The following KIAA1671 variants were observed in gnomAD, a reference collection of about 807,000 sequenced individuals.
KIAA1671 encodes uncharacterized protein KIAA1671.
A neutral mutation model predicts 131.2 loss-of-function variants in KIAA1671; 52 were observed. That is an observed-to-expected ratio of 0.40 (90% CI 0.32 to 0.50). The LOEUF (loss-of-function observed/expected upper bound fraction) is 0.50. KIAA1671 is among the 20% of genes least tolerant of loss of function. KIAA1671 has a pLI of 0.73. For missense variants in KIAA1671, 2,360 were observed against 2,364.2 expected, an observed-to-expected ratio of 1.00 and a Z score of 0.04; for synonymous variants, 1,003 against 961.6, an observed-to-expected ratio of 1.04 and a Z score of -0.80.
chr22:25,110,507 G>A (rs1423926625), intron 6 of KIAA1671, among the ~76,000 whole-genome samples: 1 of 151,214 alleles, frequency 6.6e-6, no homozygotes, highest in Non-Finnish European at 1.5e-5. Flanking sequence ...GTGAATCTAT[G>A]TCTCTGAATC....
chr22:25,104,483 C>G (rs1228862136), intron 6 of KIAA1671, among the ~76,000 whole-genome samples: 1 of 152,214 alleles, frequency 6.6e-6, no homozygotes, highest in Non-Finnish European at 1.5e-5. Flanking sequence ...ATGTCCAGAA[C>G]TCCGAGGGCA....
At chr22:25,065,786 C>T (rs9306408) in intron 6 of KIAA1671, among the ~76,000 whole-genome samples, 34,153 of 151,618 alleles carry the variant, frequency 0.23, 5,289 homozygotes, top group African/African-American at 0.44. Context: ...ATTATAGGTG[C>T]CTGCCACCAC....
chr22:25,043,956 A>G (rs1342590930), intron 5 of KIAA1671, among the ~76,000 whole-genome samples: 1 of 152,046 alleles, frequency 6.6e-6, no homozygotes, highest in Non-Finnish European at 1.5e-5. Flanking sequence ...TGTAAAAGGG[A>G]CTAGGTGGCC....
Position 25,038,800 on chromosome 22 carries a change from G to A in KIAA1671, c.1670G>A (p.Arg557Lys). The change falls in exon 5 of 13, where the codon AGA becomes AAA. Residue 557 changes from arginine to lysine, a missense_variant. Arg to Lys is a conservative substitution (Grantham distance 26). Coordinates refer to ENST00000358431, the MANE Select transcript of KIAA1671 (RefSeq NM_001145206.2). ...GHSLDGACIP[R>K]SPWKPGTLRD... ...AGTTTGGATGGAGCATGCATCCCGA[G>A]AAGCCCCTGGAAGCCTGGGACACTC... 3 of 1,550,244 alleles carry A rather than the reference G, an allele frequency of 1.9e-6. No homozygotes were observed. The highest frequency in any genetic ancestry group is 2.0e-5 in the Admixed American group (1 of 50,974).
chr22:25,087,767 A>G (rs1929806838), intron 6 of KIAA1671, among the ~76,000 whole-genome samples: 1 of 152,208 alleles, frequency 6.6e-6, no homozygotes, highest in Non-Finnish European at 1.5e-5. Flanking sequence ...TGGCGGGTGA[A>G]CAGCATCACA....
Position 25,039,635 on chromosome 22 carries a change from G to A in KIAA1671, c.2505G>A (p.Val835=). The change falls in exon 5 of 13, where the codon GTG becomes GTA. Residue 835 remains valine, a synonymous_variant. Coordinates refer to ENST00000358431, the MANE Select transcript of KIAA1671 (RefSeq NM_001145206.2). ...GAVVSSHKAT[V]AVSEEHCAPG... ...TGGTGAGCTCGCACAAAGCCACCGT[G>A]GCAGTCAGCGAAGAGCACTGTGCTC... The A allele has an allele frequency of 3.9e-6, 6 of 1,548,400 alleles. No individual in the cohort carries two copies. The South Asian group carries it at 7.2e-5, about 18-fold the overall frequency.
chr22:25,015,002 G>A (rs1925227799), intron 1 of KIAA1671: 1 of 152,174 alleles, frequency 6.6e-6, no homozygotes, highest in African/African-American at 2.4e-5. Flanking sequence ...CTGTCACTAA[G>A]GCAGAGTCAT....
At chr22:25,142,091 A>G (rs1203290398) in intron 6 of KIAA1671, among the ~76,000 whole-genome samples, 1 of 152,202 alleles carries the variant, frequency 6.6e-6, no homozygotes, top group Non-Finnish European at 1.5e-5. Context: ...AGAATTCATG[A>G]GCTGCCAGTT....
intron 6 of KIAA1671, among the ~76,000 whole-genome samples, chr22:25,110,565 C>G (rs1285255961): frequency 6.6e-6 from 1 of 152,098 alleles, no homozygotes; most frequent in Non-Finnish European, 1.5e-5. Flanking sequence ...GACATGGATC[C>G]CTGCTAGAAG....
At chr22:25,106,050 G>A (rs990159477) in intron 6 of KIAA1671, among the ~76,000 whole-genome samples, 2 of 152,226 alleles carry the variant, frequency 1.3e-5, no homozygotes, top group Non-Finnish European at 2.9e-5. Flanking sequence ...GGTGATGGTG[G>A]TGGTGGTCTT....
chr22:25,055,963 C>T (rs1240086837), intron 6 of KIAA1671: 1 of 149,298 alleles, frequency 6.7e-6, no homozygotes, highest in Non-Finnish European at 1.5e-5. Context: ...TCAAACCATC[C>T]TCCCACCTCA....
At chr22:25,099,578 A>G (rs1930562749) in intron 6 of KIAA1671, among the ~76,000 whole-genome samples, 1 of 115,988 alleles carries the variant, frequency 8.6e-6, no homozygotes, top group South Asian at 3.0e-4. Flanking sequence ...TTTTTTAGAT[A>G]GAGTCTCGCT....
intron 6 of KIAA1671, among the ~76,000 whole-genome samples, chr22:25,113,755 A>C (rs149374263): frequency 6.6e-6 from 1 of 152,190 alleles, no homozygotes; most frequent in East Asian, 1.9e-4. Flanking sequence ...GCCCAGAACA[A>C]ATTAGTGGGG....
At chr22:24,999,316 C>T (rs868586547) in intron 1 of KIAA1671, among the ~76,000 whole-genome samples, 11 of 152,106 alleles carry the variant, frequency 7.2e-5, no homozygotes, top group African/African-American at 1.2e-4. Context: ...TTCACTGCAG[C>T]CTCAACCTCC....
At chr22:24,997,011 T>C (rs769148459) in intron 1 of KIAA1671, among the ~76,000 whole-genome samples, 1 of 152,214 alleles carries the variant, frequency 6.6e-6, no homozygotes, top group East Asian at 1.9e-4. Context: ...GGGGCCTGCA[T>C]AGAGTCACTG....
intron 7 of KIAA1671, among the ~76,000 whole-genome samples, chr22:25,173,175 C>T (rs1420207368): frequency 6.6e-6 from 1 of 152,156 alleles, no homozygotes; most frequent in African/African-American, 2.4e-5. Context: ...AGAGCTCACT[C>T]ACTATCATGA....
At position 25,031,114 on chromosome 22, in the gene KIAA1671, C is replaced by T. The variant is rs1926262206; in HGVS notation, c.1542-1495C>T. Among the ~76,000 whole-genome samples the T allele has an allele frequency of 1.3e-5, 2 of 152,120 alleles. 1 individual carries two copies. Among genetic ancestry groups the T allele is most frequent in the African/African-American group, 4.8e-5 (2 of 41,430 alleles). On this transcript the variant is annotated intron_variant, in intron 3 of 12. Transcript: ENST00000358431. ...CAATCTCGGCCCACTGCAACCTCCACCTCCCGGGTTCAAGTGATTCTCCTG... is the reference window on the plus strand; with the variant it reads ...CAATCTCGGCCCACTGCAACCTCCATCTCCCGGGTTCAAGTGATTCTCCTG...
intron 6 of KIAA1671, among the ~76,000 whole-genome samples, chr22:25,073,576 A>G (rs1928940875): frequency 6.6e-6 from 1 of 152,242 alleles, no homozygotes; most frequent in Admixed American, 6.5e-5. Flanking sequence ...TCCAGTATAT[A>G]ATACAATACC....
chr22:25,037,237 C>G (rs375282207), intron 4 of KIAA1671, among the ~76,000 whole-genome samples: 2 of 152,082 alleles, frequency 1.3e-5, no homozygotes, highest in African/African-American at 4.8e-5. Flanking sequence ...GCAGAAAAAT[C>G]GCTTGAATCC....
Sources: allele counts gnomAD v4.1 joint callset (sites outside exome capture counted in the v4.1 genomes callset), GRCh38; gene constraint gnomAD v4.1.1; transcripts MANE v1.5; gene names NCBI Gene and HGNC (gene_info 2026-07-23, HGNC 2026-07-21).